The following RTTN variants were observed in gnomAD, a reference collection of about 807,000 sequenced individuals.
RTTN encodes rotatin.
Under a neutral mutation model 269.2 loss-of-function variants are expected in RTTN, and 182 were observed. The ratio of observed to expected loss-of-function variants is 0.68; its 90% CI spans 0.60 to 0.76. The LOEUF (loss-of-function observed/expected upper bound fraction) is 0.76, where lower values mean the gene tolerates loss of function less well. Among genes scored for constraint, RTTN ranks in the 30% least tolerant of loss-of-function variants. RTTN has a pLI of 0.00. For synonymous variants in RTTN, 1,006 were observed against 963.5 expected (o/e 1.04, Z -0.82); for missense variants, 2,545 against 2,608.6 (o/e 0.98, Z 0.53).
At chr18:70,147,672 T>C (rs532730101) in intron 17 of RTTN, among the ~76,000 whole-genome samples, 5 of 152,206 alleles carry the variant, frequency 3.3e-5, no homozygotes, top group Non-Finnish European at 5.9e-5. Flanking sequence ...GGAAAACAAA[T>C]ATGTCATTTG....
At chr18:70,024,468 C>T (rs2056794799) in intron 44 of RTTN, among the ~76,000 whole-genome samples, 1 of 152,152 alleles carries the variant, frequency 6.6e-6, no homozygotes, top group Non-Finnish European at 1.5e-5. Context: ...ACTCAATTTC[C>T]CATTGCCAGA....
At position 70,139,736 on chromosome 18, in the gene RTTN, ACAGC is replaced by A; in HGVS notation, c.2671-24_2671-21del. 1 of 1,435,392 alleles carries A rather than the reference ACAGC, an allele frequency of 7.0e-7. No individual in the cohort carries two copies. Among genetic ancestry groups the A allele is most frequent in the Non-Finnish European group, 9.8e-7 (1 of 1,020,560 alleles). The allele number at this position is 1,435,392 out of a possible 1,614,324, so 88.9% of individuals were successfully genotyped here. A position where few individuals can be genotyped will look rare whatever the true frequency, so the allele number is the denominator to read the frequency against. ...TACAACCTGGGCCAGGAGGAAAAAC[ACAGC>A]TTTTCATTTTCACCAATTATCAGGT... On this transcript the variant is annotated intron_variant, in intron 20 of 48. Transcript: ENST00000640769.
chr18:70,006,337 T>C (rs1344489712), intron 47 of RTTN, 44 bp downstream of exon 47: 2 of 1,383,050 alleles, frequency 1.4e-6, no homozygotes, highest in Non-Finnish European at 2.1e-6. Flanking sequence ...GGGTTATACC[T>C]TGTTGTTTGC....
At chr18:70,151,758 T>G (rs1231707087) in intron 14 of RTTN, among the ~76,000 whole-genome samples, 1 of 152,138 alleles carries the variant, frequency 6.6e-6, no homozygotes, top group Non-Finnish European at 1.5e-5. Flanking sequence ...AAGATTTACT[T>G]CCTAAAATTG....
intron 46 of RTTN, among the ~76,000 whole-genome samples, chr18:70,010,525 T>G (rs1361409486): frequency 1.3e-5 from 2 of 152,182 alleles, no homozygotes; most frequent in Non-Finnish European, 2.9e-5. Flanking sequence ...AATAAATTAG[T>G]TCTTTGAAAC....
chr18:70,162,507 C>T lies in RTTN; in HGVS notation c.1929+3555G>A, dbSNP rs116136945. Among the ~76,000 whole-genome samples, 210 of 152,242 alleles carry T rather than the reference C, an allele frequency of 1.4e-3. 2 individuals carry two copies. Among genetic ancestry groups the T allele is most frequent in the African/African-American group, 4.9e-3 (205 of 41,540 alleles). ...CTCAGGAAATAATCATGTCAGAAGG[C>T]ACCTCTTCACAGGGCGGCAGGAGAG... On this transcript the variant is annotated intron_variant, in intron 14 of 48. Transcript: ENST00000640769.
intron 10 of RTTN, among the ~76,000 whole-genome samples, chr18:70,187,047 A>G (rs2061563549): frequency 6.6e-6 from 1 of 152,190 alleles, no homozygotes; most frequent in African/African-American, 2.4e-5. Flanking sequence ...TGCCCACTTA[A>G]ATAAATCTAC....
intron 14 of RTTN, among the ~76,000 whole-genome samples, chr18:70,156,288 C>T (rs926489454): frequency 2.6e-5 from 4 of 152,048 alleles, no homozygotes; most frequent in Non-Finnish European, 2.9e-5. Context: ...TGGGTGTGGC[C>T]GTCTTCTATG....
intron 45 of RTTN, among the ~76,000 whole-genome samples, chr18:70,018,943 G>A (rs2056623851): frequency 6.7e-6 from 1 of 149,828 alleles, no homozygotes; most frequent in African/African-American, 2.5e-5. Context: ...CAAACAAGCA[G>A]GATATTTCGG....
In RTTN at chr18:70,005,180, T is replaced by C. The variant is rs1413303063; in HGVS notation, c.6595+18A>G. ...AGCTTCTGAGTTTAACTATAATCTC[T>C]TTCTTATTGCAACTTACTTTTCTTT... On this transcript the variant is annotated intron_variant, in intron 48 of 48. Coordinates refer to ENST00000640769, the MANE Select transcript of RTTN (RefSeq NM_173630.4). 1.9e-6 allele frequency: 3 copies of C among 1,582,750 alleles called. No individual in the cohort carries two copies. The highest frequency in any genetic ancestry group is 2.6e-6 in the Non-Finnish European group (3 of 1,156,032).
chr18:70,089,108 G>T (rs549796465), intron 30 of RTTN, among the ~76,000 whole-genome samples: 1 of 151,750 alleles, frequency 6.6e-6, no homozygotes, highest in Non-Finnish European at 1.5e-5. Flanking sequence ...ATCTATACTC[G>T]AACAAATTTG....
At chr18:70,197,117 G>C (rs1217003468) in intron 6 of RTTN, among the ~76,000 whole-genome samples, 1 of 152,200 alleles carries the variant, frequency 6.6e-6, no homozygotes, top group Non-Finnish European at 1.5e-5. Flanking sequence ...AGCCCTGGGA[G>C]TGTGGAGCGA....
At chr18:70,049,339 C>G (rs2057587641) in intron 39 of RTTN, among the ~76,000 whole-genome samples, 1 of 152,046 alleles carries the variant, frequency 6.6e-6, no homozygotes, top group Admixed American at 6.6e-5. Flanking sequence ...AACTAATTTT[C>G]CCCCAATAAA....
intron 40 of RTTN, among the ~76,000 whole-genome samples, chr18:70,034,908 C>A: frequency 6.6e-6 from 1 of 152,040 alleles, no homozygotes; most frequent in Middle Eastern, 3.2e-3. Context: ...ACAATCAAGC[C>A]GAGAGGCAAA....
chr18:70,152,663 C>A (rs2060568726), intron 14 of RTTN, among the ~76,000 whole-genome samples: 1 of 152,118 alleles, frequency 6.6e-6, no homozygotes, highest in Non-Finnish European at 1.5e-5. Flanking sequence ...CCTTAAAATT[C>A]ATCCTTGATC....
intron 36 of RTTN, among the ~76,000 whole-genome samples, 153 bp downstream of exon 36, chr18:70,059,697 A>T (rs536257021): frequency 3.9e-5 from 6 of 152,326 alleles, no homozygotes; most frequent in Admixed American, 3.3e-4. Flanking sequence ...CACCAAGACA[A>T]TTCTGGCAAA....
intron 14 of RTTN, among the ~76,000 whole-genome samples, chr18:70,152,309 T>C (rs1321413659): frequency 6.6e-6 from 1 of 152,186 alleles, no homozygotes; most frequent in Non-Finnish European, 1.5e-5. Context: ...AGTGAGCCTA[T>C]AGGGTTCAAA....
chr18:70,099,354 T>G (rs1339236991), intron 28 of RTTN, among the ~76,000 whole-genome samples: 9 of 152,232 alleles, frequency 5.9e-5, no homozygotes, highest in Admixed American at 5.2e-4. Flanking sequence ...CATTCTTTCA[T>G]GTGTCTGTTG....
At chr18:70,167,611 T>C (rs2061024006) in intron 12 of RTTN, among the ~76,000 whole-genome samples, 1 of 151,244 alleles carries the variant, frequency 6.6e-6, no homozygotes, top group African/African-American at 2.4e-5. Context: ...TAATCCCAGC[T>C]ACTTGAGAGG....
Sources: allele counts gnomAD v4.1 joint callset (sites outside exome capture counted in the v4.1 genomes callset), GRCh38; gene constraint gnomAD v4.1.1; transcripts MANE v1.5; gene names NCBI Gene and HGNC (gene_info 2026-07-23, HGNC 2026-07-21).